Variants in FOXP1 observed in about 807,000 individuals in gnomAD.
The protein encoded by FOXP1 is forkhead box P1.
In FOXP1, 15 loss-of-function variants were observed where a neutral mutation model predicts 98.2. That is an observed-to-expected ratio of 0.15 (90% CI 0.10 to 0.24). FOXP1 has a LOEUF of 0.24. Ranked by LOEUF, FOXP1 falls within the 10% of genes least tolerant of loss-of-function variation. The probability of loss-of-function intolerance (pLI) is 1.00; values close to 1 mark genes in which losing one functional copy is unlikely to be tolerated. For synonymous variants in FOXP1, 371 were observed against 314.5 expected (o/e 1.18, Z -1.90); for missense variants, 633 against 848.5 (o/e 0.75, Z 3.15).
At position 70,972,689 on chromosome 3, in the gene FOXP1, TA is replaced by T. The variant is rs2036517901; in HGVS notation, c.1531-14del. ...GACGCACTGCATTCTGCAGCAAGTA[TA>T]AAAGAGAGAACATTTACATTTTCTA... On this transcript the variant is annotated splice_polypyrimidine_tract_variant and intron_variant, in intron 17 of 20. Coordinates refer to ENST00000649528, the MANE Select transcript of FOXP1 (RefSeq NM_001349338.3). 3 of 1,613,716 alleles carry T rather than the reference TA, an allele frequency of 1.9e-6. No homozygotes were observed. The highest frequency in any genetic ancestry group is 2.5e-6 in the Non-Finnish European group (3 of 1,179,676).
chr3:71,436,674 A>T (rs2085390642), intron 3 of FOXP1, among the ~76,000 whole-genome samples: 1 of 152,178 alleles, frequency 6.6e-6, no homozygotes, highest in Non-Finnish European at 1.5e-5. Context: ...AGCCAACAGC[A>T]CTGAACCGAC....
At chr3:71,419,783 A>G (rs2083489035) in intron 3 of FOXP1, among the ~76,000 whole-genome samples, 1 of 152,084 alleles carries the variant, frequency 6.6e-6, no homozygotes. Flanking sequence ...ATATGCACAC[A>G]CACACATTTT....
chr3:71,540,852 T>C (rs1200374095), intron 2 of FOXP1, among the ~76,000 whole-genome samples: 1 of 152,212 alleles, frequency 6.6e-6, no homozygotes, highest in Non-Finnish European at 1.5e-5. Context: ...GGTGAATATG[T>C]TTAGTTACTA....
chr3:71,295,935 C>A (rs2107530832), intron 5 of FOXP1: 1 of 152,240 alleles, frequency 6.6e-6, no homozygotes, highest in African/African-American at 2.4e-5. Context: ...GACCGTTTTT[C>A]CAGTCTGTAA....
At chr3:71,261,989 C>T (rs551112389) in intron 5 of FOXP1, among the ~76,000 whole-genome samples, 26 of 152,058 alleles carry the variant, frequency 1.7e-4, no homozygotes, top group African/African-American at 5.3e-4. Context: ...AAATCCCGGC[C>T]GAGTGCGGTG....
At chr3:71,264,469 A>G (rs2069449342) in intron 5 of FOXP1, among the ~76,000 whole-genome samples, 1 of 152,254 alleles carries the variant, frequency 6.6e-6, no homozygotes, top group Non-Finnish European at 1.5e-5. Context: ...AAATCTTGAT[A>G]TCAGGAATGG....
At chr3:71,459,735 C>T (rs1446264757) in intron 3 of FOXP1, among the ~76,000 whole-genome samples, 1 of 152,030 alleles carries the variant, frequency 6.6e-6, no homozygotes. Flanking sequence ...TTAAGAAAGG[C>T]AAACACACAT....
chr3:71,389,263 C>T (rs1048684758), intron 3 of FOXP1, among the ~76,000 whole-genome samples: 2 of 15,478 alleles, frequency 1.3e-4, no homozygotes, highest in Non-Finnish European at 1.2e-4. Flanking sequence ...CCGGGGGGGG[C>T]GGGTTATAAA....
intron 5 of FOXP1, among the ~76,000 whole-genome samples, chr3:71,244,222 A>C (rs1031810745): frequency 1.3e-5 from 2 of 152,182 alleles, no homozygotes; most frequent in Non-Finnish European, 2.9e-5. Flanking sequence ...AGTCCATTCT[A>C]CTAAAGATGC....
At chr3:71,078,037 T>C (rs1023848012) in intron 7 of FOXP1, among the ~76,000 whole-genome samples, 1 of 152,148 alleles carries the variant, frequency 6.6e-6, no homozygotes, top group African/African-American at 2.4e-5. Context: ...TCTCCATGTC[T>C]GTCAGGCTGC....
At chr3:71,197,342 G>A (rs544917870) in intron 6 of FOXP1, among the ~76,000 whole-genome samples, 3 of 151,928 alleles carry the variant, frequency 2.0e-5, no homozygotes, top group Non-Finnish European at 4.4e-5. Flanking sequence ...TCCTGATTCC[G>A]AGGAATCAGG....
intron 6 of FOXP1, among the ~76,000 whole-genome samples, chr3:71,120,610 G>A (rs942147028): frequency 2.6e-5 from 4 of 152,206 alleles, no homozygotes; most frequent in Admixed American, 2.6e-4. Context: ...ACAAGAAATA[G>A]AAAAGTCACT....
chr3:71,189,215 C>T (rs1231128556), intron 6 of FOXP1, among the ~76,000 whole-genome samples: 2 of 152,028 alleles, frequency 1.3e-5, no homozygotes, highest in Admixed American at 1.3e-4. Flanking sequence ...ACCTTAAAAA[C>T]AAAGTCATTA....
rs2052603930 is a variant in FOXP1, at chr3:71,067,040, AC to A, written c.283-13268del. On this transcript the variant is annotated intron_variant, in intron 7 of 20. Coordinates refer to ENST00000649528, the MANE Select transcript of FOXP1 (RefSeq NM_001349338.3). The stretch of plus-strand genomic sequence containing the variant: ...TGGGACCACAAAGAAGGAGGAGATC[AC>A]TAGGAGGAGGGGTCTGGGAAGGCCC... Among the ~76,000 whole-genome samples, 3 of 152,174 alleles carry A rather than the reference AC, an allele frequency of 2.0e-5. No individual in the cohort carries two copies. The South Asian group carries it at 6.2e-4, about 32-fold the overall frequency.
chr3:71,412,231 C>T, intron 3 of FOXP1, among the ~76,000 whole-genome samples: 1 of 151,864 alleles, frequency 6.6e-6, no homozygotes, highest in Non-Finnish European at 1.5e-5. Flanking sequence ...CGCCTTTGGG[C>T]AAGTTATTTA....
At chr3:71,539,494 A>G (rs1178056124) in intron 2 of FOXP1, among the ~76,000 whole-genome samples, 1 of 111,724 alleles carries the variant, frequency 9.0e-6, no homozygotes, top group African/African-American at 3.6e-5. Flanking sequence ...GCATCAATCT[A>G]TCGATTTCTG....
chr3:71,242,764 GAAAA>G (rs56035810), intron 5 of FOXP1, among the ~76,000 whole-genome samples: 5 of 140,318 alleles, frequency 3.6e-5, no homozygotes, highest in Non-Finnish European at 3.1e-5. Flanking sequence ...GCCCAAAAAG[GAAAA>G]AAAAAAAAAA....
chr3:71,385,716 G>A (rs2080520259), intron 3 of FOXP1, among the ~76,000 whole-genome samples: 1 of 152,088 alleles, frequency 6.6e-6, no homozygotes, highest in Non-Finnish European at 1.5e-5. Context: ...CTGAAGCATG[G>A]CCTACAAATC....
intron 3 of FOXP1, among the ~76,000 whole-genome samples, chr3:71,446,546 G>GC (rs1553886923): frequency 6.6e-6 from 1 of 150,416 alleles, no homozygotes; most frequent in Non-Finnish European, 1.5e-5. Flanking sequence ...GCCACACACT[G>GC]AAAAAAAAAA....
Sources: gnomAD v4.1 joint callset for allele counts (sites outside exome capture counted in the v4.1 genomes callset) on GRCh38, gnomAD v4.1.1 for gene constraint, MANE v1.5 for transcripts, NCBI Gene and HGNC (gene_info 2026-07-23, HGNC 2026-07-21) for gene names.